Variants in LRRC4C observed in about 807,000 individuals in gnomAD.
The protein encoded by LRRC4C is leucine-rich repeat-containing protein 4C.
Under a neutral mutation model 33.6 loss-of-function variants are expected in LRRC4C, and 5 were observed. The ratio of observed to expected loss-of-function variants is 0.15; its 90% CI spans 0.08 to 0.31. LRRC4C has a LOEUF of 0.31. Among genes scored for constraint, LRRC4C ranks in the 10% least tolerant of loss-of-function variants. The pLI is 1.00. For synonymous variants in LRRC4C, 329 were observed against 302.0 expected (o/e 1.09, Z -0.93); for missense variants, 560 against 796.7 (o/e 0.70, Z 3.58).
chr11:40,971,649 C>T (rs7945298), intron 1 of LRRC4C, among the ~76,000 whole-genome samples: 2,451 of 152,238 alleles, frequency 0.016, 66 homozygotes, highest in African/African-American at 0.056. Flanking sequence ...TGTGAGAATA[C>T]GGCCATCACC....
chr11:41,243,318 G>T (rs1425988457), intron 1 of LRRC4C, among the ~76,000 whole-genome samples: 1 of 152,108 alleles, frequency 6.6e-6, no homozygotes, highest in Admixed American at 6.5e-5. Context: ...TTAACTAAAA[G>T]ATAAAGCATT....
intron 1 of LRRC4C, among the ~76,000 whole-genome samples, chr11:41,352,857 G>A (rs1225469151): frequency 6.6e-6 from 1 of 151,802 alleles, no homozygotes; most frequent in Non-Finnish European, 1.5e-5. Context: ...AGAATCTCTG[G>A]GACATAGACA....
At chr11:40,684,683 C>T (rs1470310749) in intron 2 of LRRC4C, among the ~76,000 whole-genome samples, 1 of 150,878 alleles carries the variant, frequency 6.6e-6, no homozygotes, top group Non-Finnish European at 1.5e-5. Flanking sequence ...TTGCAATTTA[C>T]CAAATAAATA....
chr11:40,191,057 A>C (rs968057739), intron 5 of LRRC4C, among the ~76,000 whole-genome samples: 4 of 152,154 alleles, frequency 2.6e-5, no homozygotes, highest in African/African-American at 9.7e-5. Flanking sequence ...TTGAGTACTT[A>C]CTTAGCATTA....
At chr11:41,106,151 G>A (rs1941480282) in intron 1 of LRRC4C, among the ~76,000 whole-genome samples, 1 of 151,906 alleles carries the variant, frequency 6.6e-6, no homozygotes, top group Non-Finnish European at 1.5e-5. Context: ...ATCAACTTAG[G>A]TCCCTGAGTT....
At chr11:41,247,876 TG>T (rs1948504478) in intron 1 of LRRC4C, among the ~76,000 whole-genome samples, 1 of 152,170 alleles carries the variant, frequency 6.6e-6, no homozygotes, top group African/African-American at 2.4e-5. Flanking sequence ...ATTTTGAGGC[TG>T]GGGCACGTTG....
chr11:41,037,579 C>T (rs1390021363), intron 1 of LRRC4C, among the ~76,000 whole-genome samples: 1 of 102,762 alleles, frequency 9.7e-6, no homozygotes, highest in Non-Finnish European at 2.1e-5. Flanking sequence ...TCCTTTCACA[C>T]ACACACACAC....
chr11:40,891,131 T>G (rs1468164893), intron 2 of LRRC4C, among the ~76,000 whole-genome samples: 1 of 152,044 alleles, frequency 6.6e-6, no homozygotes, highest in Non-Finnish European at 1.5e-5. Context: ...CTCGGGAGGC[T>G]GAGGTAGGAG....
chr11:40,715,306 T>C (rs1946650653), intron 2 of LRRC4C, among the ~76,000 whole-genome samples: 1 of 152,206 alleles, frequency 6.6e-6, no homozygotes, highest in Non-Finnish European at 1.5e-5. Flanking sequence ...TAGTTTTCAC[T>C]AGTAATCAGG....
chr11:41,062,296 A>G (rs999998788), intron 1 of LRRC4C, among the ~76,000 whole-genome samples: 1 of 152,144 alleles, frequency 6.6e-6, no homozygotes, highest in African/African-American at 2.4e-5. Flanking sequence ...ACCTATATGC[A>G]ACCATGCATT....
chr11:41,298,983 C>T (rs1950215623), intron 1 of LRRC4C, among the ~76,000 whole-genome samples: 1 of 152,056 alleles, frequency 6.6e-6, no homozygotes, highest in African/African-American at 2.4e-5. Flanking sequence ...TATTTTTATG[C>T]CTGAATAGTA....
chr11:41,085,780 G>GGA (rs1939928975), intron 1 of LRRC4C, among the ~76,000 whole-genome samples: 2 of 151,998 alleles, frequency 1.3e-5, no homozygotes, highest in Non-Finnish European at 2.9e-5. Context: ...CTTAGCAACA[G>GGA]ATTAGTACCA....
At chr11:40,308,850 T>G (rs1374141548) in intron 4 of LRRC4C, among the ~76,000 whole-genome samples, 1 of 152,210 alleles carries the variant, frequency 6.6e-6, no homozygotes, top group Non-Finnish European at 1.5e-5. Flanking sequence ...ATTGAACATC[T>G]AGATCTAGTC....
At chr11:41,348,949 C>G (rs990597022) in intron 1 of LRRC4C, among the ~76,000 whole-genome samples, 2 of 152,184 alleles carry the variant, frequency 1.3e-5, no homozygotes, top group Non-Finnish European at 2.9e-5. Flanking sequence ...ACAGGAACAG[C>G]TGCAGTGGAG....
At chr11:41,337,388 T>C (rs1951491037) in intron 1 of LRRC4C, among the ~76,000 whole-genome samples, 1 of 151,128 alleles carries the variant, frequency 6.6e-6, no homozygotes, top group Admixed American at 6.7e-5. Flanking sequence ...CTGATTAGCA[T>C]CTAAATGCTT....
chr11:40,728,894 TA>T (rs1947422307), intron 2 of LRRC4C, among the ~76,000 whole-genome samples: 1 of 146,244 alleles, frequency 6.8e-6, no homozygotes, highest in African/African-American at 2.5e-5. Context: ...GAAAACCAAA[TA>T]GTGCATATTC....
At chr11:40,943,087 A>G (rs1450189506) in intron 1 of LRRC4C, among the ~76,000 whole-genome samples, 1 of 152,180 alleles carries the variant, frequency 6.6e-6, no homozygotes, top group Non-Finnish European at 1.5e-5. Flanking sequence ...AGTTTTCTTA[A>G]ATGCAGGTAA....
chr11:40,695,585 G>C (rs906905149), intron 2 of LRRC4C, among the ~76,000 whole-genome samples: 5 of 152,070 alleles, frequency 3.3e-5, no homozygotes, highest in African/African-American at 1.2e-4. Flanking sequence ...GTCTGAACTG[G>C]GTCTCAAGGG....
chr11:41,330,211 T>C (rs561313617), intron 1 of LRRC4C, among the ~76,000 whole-genome samples: 2 of 152,358 alleles, frequency 1.3e-5, no homozygotes, highest in East Asian at 1.9e-4. Context: ...TACTTCCTTA[T>C]TGTAACTGTG....
Sources: gnomAD v4.1 joint callset for allele counts (sites outside exome capture counted in the v4.1 genomes callset) on GRCh38, gnomAD v4.1.1 for gene constraint, MANE v1.5 for transcripts, NCBI Gene and HGNC (gene_info 2026-07-23, HGNC 2026-07-21) for gene names.